The following WBP1L variants were observed in gnomAD, a reference collection of about 807,000 sequenced individuals.
WBP1L encodes the protein WW domain binding protein 1 like, also known as WW domain binding protein 1-like.
A neutral mutation model predicts 33.7 loss-of-function variants in WBP1L; 17 were observed. That is an observed-to-expected ratio of 0.50 (90% CI 0.34 to 0.76). WBP1L has a LOEUF of 0.76. WBP1L is among the 30% of genes least tolerant of loss of function. The probability of loss-of-function intolerance (pLI) is 0.01; values close to 1 mark genes in which losing one functional copy is unlikely to be tolerated. For missense variants in WBP1L, 389 were observed against 469.4 expected, an observed-to-expected ratio of 0.83 and a Z score of 1.58; for synonymous variants, 173 against 190.8, an observed-to-expected ratio of 0.91 and a Z score of 0.77.
At chr10:102,795,737 T>A (rs1843564818) in intron 1 of WBP1L, among the ~76,000 whole-genome samples, 1 of 152,242 alleles carries the variant, frequency 6.6e-6, no homozygotes, top group Non-Finnish European at 1.5e-5. Flanking sequence ...CACTTTGAAC[T>A]GTGCTCTTTT....
intron 1 of WBP1L, among the ~76,000 whole-genome samples, chr10:102,787,109 T>C (rs1002531099): frequency 3.3e-5 from 5 of 152,340 alleles, no homozygotes; most frequent in African/African-American, 1.2e-4. Flanking sequence ...AGCATAAAAA[T>C]CCATTCCTAG....
chr10:102,760,286 C>T (rs1339149199), intron 1 of WBP1L, among the ~76,000 whole-genome samples: 1 of 151,998 alleles, frequency 6.6e-6, no homozygotes, highest in African/African-American at 2.4e-5. Context: ...CTGGCATTTC[C>T]AGACCTGGCT....
chr10:102,802,113 C>CTCCTTCCTTCCTTCCTTCCT (rs35674135), intron 2 of WBP1L, among the ~76,000 whole-genome samples: 16 of 67,876 alleles, frequency 2.4e-4, no homozygotes, highest in African/African-American at 8.4e-4. Context: ...CTTCCACCTT[C>CTCCTTCCTTCCTTCCTTCCT]TCCTTCCTTC....
intron 1 of WBP1L, among the ~76,000 whole-genome samples, chr10:102,770,398 G>T (rs552089051): frequency 1.3e-5 from 2 of 152,308 alleles, no homozygotes; most frequent in Admixed American, 1.3e-4. Context: ...TACGCCTGGA[G>T]ATTATCTCCT....
Position 102,813,459 on chromosome 10 carries a change from C to T in WBP1L, c.*128C>T. ...ACTTGGTTCCTTTTTGTTTGTTTTC[C>T]TTCTCCTCTCCTGCATTTTCCTCCA... On this transcript the variant is annotated 3_prime_UTR_variant, in exon 4 of 4. Coordinates refer to ENST00000448841, the MANE Select transcript of WBP1L (RefSeq NM_001083913.2). 3.1e-6 allele frequency: 4 copies of T among 1,282,652 alleles called. No individual in the cohort carries two copies. The highest frequency in any genetic ancestry group is 3.1e-5 in the South Asian group (2 of 64,576). 79.5% of individuals were successfully genotyped at this position (1,282,652 alleles called of 1,614,324 possible). A position where few individuals can be genotyped will look rare whatever the true frequency, so the allele number is the denominator to read the frequency against.
At chr10:102,800,754 G>A (rs923146242) in intron 2 of WBP1L, among the ~76,000 whole-genome samples, 1 of 152,188 alleles carries the variant, frequency 6.6e-6, no homozygotes, top group Non-Finnish European at 1.5e-5. Flanking sequence ...AACACCTGAA[G>A]TTCTCATCAA....
At chr10:102,805,675 T>C (rs893651681) in intron 2 of WBP1L, among the ~76,000 whole-genome samples, 2 of 151,606 alleles carry the variant, frequency 1.3e-5, no homozygotes, top group African/African-American at 4.8e-5. Context: ...GGGGGATTGC[T>C]TGAGACCAGA....
intron 2 of WBP1L, among the ~76,000 whole-genome samples, chr10:102,807,214 C>G (rs1394931496): frequency 3.3e-5 from 5 of 152,014 alleles, no homozygotes; most frequent in Non-Finnish European, 7.4e-5. Context: ...TAAAATTATT[C>G]CTTTGATACA....
At chr10:102,799,769 C>G (rs527412838) in intron 2 of WBP1L, among the ~76,000 whole-genome samples, 7 of 152,232 alleles carry the variant, frequency 4.6e-5, no homozygotes, top group Admixed American at 2.0e-4. Flanking sequence ...CCATCAACCC[C>G]TGTGTCAGTG....
intron 1 of WBP1L, among the ~76,000 whole-genome samples, chr10:102,788,274 T>C (rs939822833): frequency 2.6e-5 from 4 of 151,064 alleles, no homozygotes; most frequent in African/African-American, 7.3e-5. Context: ...CACGCCCGGC[T>C]AATTTTTTGC....
rs141966672 is a variant in WBP1L at position 102,812,971 on chromosome 10, G to A, written c.732G>A (p.Leu244=). Residue 244 remains leucine (L), a synonymous_variant, in exon 4 of 4, where the codon CTG becomes CTA. Coordinates refer to ENST00000448841, the MANE Select transcript of WBP1L (RefSeq NM_001083913.2). The part of the protein sequence containing the change: ...DKDAECREEL[L]KDDSSEHGAP... ...ATGCAGAATGTAGGGAGGAGCTGCT[G>A]AAAGATGACAGCTCTGAACACGGCG... 1.2e-6 allele frequency: 2 copies of A among 1,610,880 alleles called. No homozygotes were observed. The highest frequency in any genetic ancestry group is 4.5e-5 in the East Asian group (2 of 44,816).
At chr10:102,803,771 G>C (rs569487150) in intron 2 of WBP1L, among the ~76,000 whole-genome samples, 1 of 152,164 alleles carries the variant, frequency 6.6e-6, no homozygotes, top group African/African-American at 2.4e-5. Flanking sequence ...ACTACGCCCA[G>C]CTAATTTTTT....
intron 1 of WBP1L, among the ~76,000 whole-genome samples, chr10:102,747,423 A>G (rs987277823): frequency 8.6e-5 from 13 of 151,922 alleles, no homozygotes; most frequent in Non-Finnish European, 1.8e-4. Flanking sequence ...AGGCTCCGAC[A>G]GCCTTGGCGT....
chr10:102,798,498 C>T (rs1048382091), intron 2 of WBP1L, among the ~76,000 whole-genome samples: 1 of 152,110 alleles, frequency 6.6e-6, no homozygotes, highest in South Asian at 2.1e-4. Context: ...AACCTCAGCT[C>T]ATTGCAGCCT....
chr10:102,756,134 C>T (rs999446645), intron 1 of WBP1L, among the ~76,000 whole-genome samples: 25 of 151,442 alleles, frequency 1.7e-4, no homozygotes, highest in African/African-American at 3.4e-4. Context: ...AAAATGTGGC[C>T]GTGCGTGGTG....
intron 1 of WBP1L, among the ~76,000 whole-genome samples, chr10:102,751,397 A>G (rs953938162): frequency 1.3e-5 from 2 of 150,614 alleles, no homozygotes; most frequent in Non-Finnish European, 2.9e-5. Context: ...AGCTCACTGC[A>G]ATCTCCACCT....
At chr10:102,812,573 C>T (rs764983837) in intron 3 of WBP1L, 22 bp from the exon 4 acceptor site, 2 of 1,549,704 alleles carry the variant, frequency 1.3e-6, no homozygotes, top group Non-Finnish European at 1.7e-6. Context: ...AGTAATTTCT[C>T]CTTCCTACCT....
At chr10:102,744,345 G>A (rs1473679333) in intron 1 of WBP1L, 1 of 980,692 alleles carries the variant, frequency 1.0e-6, no homozygotes, top group African/African-American at 1.8e-5. Context: ...AGGTGGCAGA[G>A]GCATGATGCC....
intron 1 of WBP1L, among the ~76,000 whole-genome samples, chr10:102,749,036 C>G (rs531044660): frequency 6.6e-6 from 1 of 151,756 alleles, no homozygotes; most frequent in African/African-American, 2.4e-5. Flanking sequence ...GGGGGAGGCT[C>G]GAAAGAGAGG....
Sources: allele counts gnomAD v4.1 joint callset (sites outside exome capture counted in the v4.1 genomes callset), GRCh38; gene constraint gnomAD v4.1.1; transcripts MANE v1.5; gene names NCBI Gene and HGNC (gene_info 2026-07-23, HGNC 2026-07-21).